The following CAMKMT variants were observed in gnomAD, a reference collection of about 807,000 sequenced individuals.
The protein encoded by CAMKMT is CaM KMT.
A neutral mutation model predicts 48.0 loss-of-function variants in CAMKMT; 53 were observed. The observed-to-expected ratio is 1.10, with a 90% CI of 0.89 to 1.39. The LOEUF (loss-of-function observed/expected upper bound fraction) is 1.39, where lower values mean the gene tolerates loss of function less well. CAMKMT is among the 40% of genes most tolerant of loss of function. The pLI is 0.00. For missense variants in CAMKMT, 428 were observed against 402.7 expected (o/e 1.06, Z -0.54); for synonymous variants, 165 against 152.3 (o/e 1.08, Z -0.61).
In CAMKMT at chr2:44,718,745, G is replaced by A. The variant is rs550932660; in HGVS notation, c.623+3392G>A. Among the ~76,000 whole-genome samples, 14 of 152,322 alleles carry A rather than the reference G, an allele frequency of 9.2e-5. No homozygotes were observed. The South Asian group carries it at 1.0e-3, about 11-fold the overall frequency. On this transcript the variant is annotated intron_variant, in intron 7 of 10. Coordinates refer to ENST00000378494, the MANE Select transcript of CAMKMT (RefSeq NM_024766.5). ...TCTATTAAATTTACCCTGCTGTGAT[G>A]ATGTAAGTAAGTTTCACTTAAGAAT... is the stretch of plus-strand genomic sequence containing the variant.
At chr2:44,532,798 G>T (rs566887627) in intron 3 of CAMKMT, among the ~76,000 whole-genome samples, 53 of 151,634 alleles carry the variant, frequency 3.5e-4, no homozygotes, top group African/African-American at 1.2e-3. Context: ...TATCATGAAG[G>T]TAACTGTATG....
chr2:44,428,139 C>G (rs1239041818), intron 3 of CAMKMT, among the ~76,000 whole-genome samples: 1 of 152,080 alleles, frequency 6.6e-6, no homozygotes. Context: ...CCTCTTGGTA[C>G]CTAGGTTCTT....
chr2:44,381,298 TA>T (rs1022079976), intron 2 of CAMKMT, among the ~76,000 whole-genome samples: 5 of 152,034 alleles, frequency 3.3e-5, no homozygotes, highest in East Asian at 1.9e-4. Flanking sequence ...TTTTAGAAAT[TA>T]AAAAAAATTA....
chr2:44,616,736 CCTTTCTGAA>C (rs1671912633), intron 3 of CAMKMT, among the ~76,000 whole-genome samples: 1 of 152,132 alleles, frequency 6.6e-6, no homozygotes, highest in African/African-American at 2.4e-5. Context: ...ATTAGGTTGG[CCTTTCTGAA>C]CTTTATGTGT....
At chr2:44,475,719 CCTCA>C (rs779989369) in intron 3 of CAMKMT, among the ~76,000 whole-genome samples, 2 of 152,220 alleles carry the variant, frequency 1.3e-5, no homozygotes, top group Non-Finnish European at 2.9e-5. Flanking sequence ...CTGTTGGATA[CCTCA>C]CTATTTTAAA....
intron 3 of CAMKMT, among the ~76,000 whole-genome samples, chr2:44,586,302 T>G (rs993306871): frequency 6.6e-6 from 1 of 151,860 alleles, no homozygotes; most frequent in Non-Finnish European, 1.5e-5. Context: ...AGTGTACAAT[T>G]TGATAAGTTT....
rs1034183126 is a variant in CAMKMT, at chr2:44,635,988, A to T, written c.377-68295A>T. Among the ~76,000 whole-genome samples, 11 of 152,352 alleles carry T rather than the reference A, an allele frequency of 7.2e-5. No individual in the cohort carries two copies. In the South Asian group the frequency reaches 2.3e-3, roughly 32 times the overall value. On this transcript the variant is annotated intron_variant, in intron 3 of 10. Coordinates refer to ENST00000378494, the MANE Select transcript of CAMKMT (RefSeq NM_024766.5). ...TTCAGTGGGCTACGTGTCAGTTTTC[A>T]TACATAGGCCATGCTTTTTTATATT...
At chr2:44,474,249 T>C (rs1165133617) in intron 3 of CAMKMT, among the ~76,000 whole-genome samples, 1 of 151,962 alleles carries the variant, frequency 6.6e-6, no homozygotes, top group Non-Finnish European at 1.5e-5. Flanking sequence ...AGTTCATGAC[T>C]AGCCTGGCAA....
At chr2:44,462,251 C>T (rs546999578) in intron 3 of CAMKMT, among the ~76,000 whole-genome samples, 7 of 152,198 alleles carry the variant, frequency 4.6e-5, no homozygotes, top group African/African-American at 1.2e-4. Context: ...AACATATTCT[C>T]ATTACTCAAA....
chr2:44,610,645 T>C (rs1371754864), intron 3 of CAMKMT, among the ~76,000 whole-genome samples: 4 of 152,070 alleles, frequency 2.6e-5, no homozygotes, highest in Admixed American at 2.6e-4. Flanking sequence ...AAAGTAAAAA[T>C]AAGTATCAGC....
At position 44,362,011 on chromosome 2, in the gene CAMKMT, G is replaced by C. The variant is rs1677896427; in HGVS notation, c.4G>C (p.Glu2Gln). The C allele has an allele frequency of 7.1e-7, 1 of 1,408,648 alleles. No homozygotes were observed. The highest frequency in any genetic ancestry group is 9.2e-7 in the Non-Finnish European group (1 of 1,087,160). The allele number at this position is 1,408,648 out of a possible 1,614,324, so 87.3% of individuals were successfully genotyped here. M[E>Q]SRVADAGTGE... is the part of the protein sequence containing the mutation. Reference sequence around the variant, plus strand: ...GGGTGTGGAAGGCTCCAGTGAGATGGAGTCGCGAGTCGCGGACGCTGGGAC... The same window carrying C: ...GGGTGTGGAAGGCTCCAGTGAGATGCAGTCGCGAGTCGCGGACGCTGGGAC... The change falls in exon 1 of 11, where the codon GAG becomes CAG. Residue 2 changes from glutamate to glutamine, a missense_variant. By Grantham distance (29) the Glu-to-Gln change is conservative. Coordinates refer to ENST00000378494, the MANE Select transcript of CAMKMT (RefSeq NM_024766.5).
chr2:44,626,453 T>G (rs1046333537), intron 3 of CAMKMT, among the ~76,000 whole-genome samples: 3 of 152,184 alleles, frequency 2.0e-5, no homozygotes, highest in Admixed American at 1.3e-4. Flanking sequence ...ATTTTATGTA[T>G]AACAGTGATT....
At chr2:44,728,839 C>CTTTTTT (rs70937931) in intron 7 of CAMKMT, among the ~76,000 whole-genome samples, 1 of 58,310 alleles carries the variant, frequency 1.7e-5, no homozygotes. Context: ...GGGGTCTATC[C>CTTTTTT]TTTTTTTTTT....
intron 3 of CAMKMT, among the ~76,000 whole-genome samples, chr2:44,650,156 G>T (rs1673977830): frequency 6.6e-6 from 1 of 152,162 alleles, no homozygotes; most frequent in African/African-American, 2.4e-5. Context: ...AAGTCAAGGT[G>T]TAGAGCCATG....
intron 3 of CAMKMT, among the ~76,000 whole-genome samples, chr2:44,619,487 G>A (rs1672063721): frequency 6.6e-6 from 1 of 151,352 alleles, no homozygotes. Flanking sequence ...ATATGCATCT[G>A]CAAACACATA....
At chr2:44,545,938 C>A (rs139421939) in intron 3 of CAMKMT, among the ~76,000 whole-genome samples, 25 of 151,894 alleles carry the variant, frequency 1.6e-4, no homozygotes, top group African/African-American at 6.0e-4. Context: ...CTATAAGATT[C>A]TAATATTTTT....
At chr2:44,604,902 T>G (rs1299578883) in intron 3 of CAMKMT, among the ~76,000 whole-genome samples, 1 of 152,170 alleles carries the variant, frequency 6.6e-6, no homozygotes, top group East Asian at 1.9e-4. Context: ...TGTTTGTGGC[T>G]CACTTTCGTT....
chr2:44,632,605 G>A (rs6714628), intron 3 of CAMKMT, among the ~76,000 whole-genome samples: 1 of 151,892 alleles, frequency 6.6e-6, no homozygotes, highest in African/African-American at 2.4e-5. Context: ...TGGTTAATAC[G>A]GAGTATCAAC....
At chr2:44,596,129 A>AT (rs1670640334) in intron 3 of CAMKMT, among the ~76,000 whole-genome samples, 1 of 151,690 alleles carries the variant, frequency 6.6e-6, no homozygotes, top group Non-Finnish European at 1.5e-5. Context: ...AGAACTTATA[A>AT]TTTAAAAAAA....
Sources: allele counts gnomAD v4.1 joint callset (sites outside exome capture counted in the v4.1 genomes callset), GRCh38; gene constraint gnomAD v4.1.1; transcripts MANE v1.5; gene names NCBI Gene and HGNC (gene_info 2026-07-23, HGNC 2026-07-21).